Variants in DNAJC15 observed in about 807,000 individuals in gnomAD.
DNAJC15 encodes the protein DnaJ heat shock protein family (Hsp40) member C15, also known as dnaJ homolog subfamily C member 15.
DNAJC15 carries 27 observed loss-of-function variants against 22.4 expected under a neutral mutation model. The ratio of observed to expected loss-of-function variants is 1.20; its 90% CI spans 0.89 to 1.66. The LOEUF is 1.66. Among genes scored for constraint, DNAJC15 ranks in the 40% most tolerant of loss-of-function variants. DNAJC15 has a pLI of 0.00. For missense variants in DNAJC15, 208 were observed against 187.1 expected (o/e 1.11, Z -0.65); for synonymous variants, 79 against 63.2 (o/e 1.25, Z -1.19).
chr13:43,027,140 A>C (rs1281071786), intron 1 of DNAJC15, among the ~76,000 whole-genome samples: 1 of 152,254 alleles, frequency 6.6e-6, no homozygotes, highest in Non-Finnish European at 1.5e-5. Flanking sequence ...AGAGATTATT[A>C]TCAAATTTTA....
intron 3 of DNAJC15, among the ~76,000 whole-genome samples, chr13:43,076,640 A>C (rs1593323690): frequency 1.3e-5 from 2 of 152,314 alleles, no homozygotes; most frequent in East Asian, 3.9e-4. Context: ...GAAACGTTTA[A>C]TGCCTGTAAT....
chr13:43,091,272 G>C (rs1255144493), intron 5 of DNAJC15, among the ~76,000 whole-genome samples: 3 of 152,108 alleles, frequency 2.0e-5, no homozygotes, highest in African/African-American at 7.2e-5. Flanking sequence ...TTACTTAGTA[G>C]AGATGGTGTT....
chr13:43,051,420 C>T (rs537068644), intron 1 of DNAJC15, among the ~76,000 whole-genome samples: 31 of 152,262 alleles, frequency 2.0e-4, no homozygotes, highest in African/African-American at 6.3e-4. Flanking sequence ...ATCCCTCGCT[C>T]CCACCCATTA....
intron 5 of DNAJC15, among the ~76,000 whole-genome samples, chr13:43,106,519 A>G (rs1328821193): frequency 1.3e-5 from 2 of 152,110 alleles, no homozygotes; most frequent in Non-Finnish European, 1.5e-5. Flanking sequence ...TATTTTTTGC[A>G]CTGTAAATCC....
chr13:43,097,243 G>A (rs917993542), intron 5 of DNAJC15, among the ~76,000 whole-genome samples: 4 of 152,208 alleles, frequency 2.6e-5, no homozygotes, highest in African/African-American at 9.6e-5. Flanking sequence ...ACCTAAGGCA[G>A]TAAGTCATGC....
chr13:43,050,911 C>A (rs2040499845), intron 1 of DNAJC15, among the ~76,000 whole-genome samples: 1 of 152,046 alleles, frequency 6.6e-6, no homozygotes, highest in East Asian at 1.9e-4. Flanking sequence ...ATTTACTGAA[C>A]ATCCTTTTTT....
Position 43,112,852 on chromosome 13 carries a change from AT to A in DNAJC15, c.*5605del, listed in dbSNP as rs2040831171. ...TGGGAATCAGAATGAAGGGGCTTGT[AT>A]GACTTTTGGCTCATTTTTTGATGCA... On this transcript the variant is annotated 3_prime_UTR_variant, in exon 6 of 6. Coordinates refer to ENST00000379221, the MANE Select transcript of DNAJC15 (RefSeq NM_013238.3). 1 of 152,196 alleles carries A rather than the reference AT, an allele frequency of 6.6e-6. No individual in the cohort carries two copies. Among genetic ancestry groups the A allele is most frequent in the African/African-American group, 2.4e-5 (1 of 41,456 alleles). The allele number at this position is 152,196 out of a possible 1,614,324, so 9.4% of individuals were successfully genotyped here.
At chr13:43,023,760 CCT>C in intron 1 of DNAJC15, 26 bp downstream of exon 1, 1 of 1,576,208 alleles carries the variant, frequency 6.3e-7, no homozygotes, top group South Asian at 1.1e-5. Flanking sequence ...GGCCCCCACC[CCT>C]CTCTGGCTCC....
At chr13:43,085,894 T>A in intron 5 of DNAJC15, 56 bp downstream of exon 5, 1 of 1,488,966 alleles carries the variant, frequency 6.7e-7, no homozygotes, top group Non-Finnish European at 9.3e-7. Flanking sequence ...TGTGAATTCC[T>A]TTCAGATTAA....
In DNAJC15 at chr13:43,029,575, C is replaced by CT. The variant is rs573189109; in HGVS notation, c.108+5847dup. 8.9e-4 allele frequency among the ~76,000 whole-genome samples: 135 copies of CT among 151,146 alleles called. 1 individual carries two copies. The highest frequency in any genetic ancestry group is 3.4e-3 in the Middle Eastern group (1 of 294). The stretch of plus-strand genomic sequence containing the variant: ...GCTGTAGCAGCTATGATGGAGTGAT[C>CT]TTTTTTCCCAGTTTTCAGAAATTTT... On this transcript the variant is annotated intron_variant, in intron 1 of 5. Coordinates refer to ENST00000379221, the MANE Select transcript of DNAJC15 (RefSeq NM_013238.3).
At chr13:43,088,054 AT>A (rs2040697634) in intron 5 of DNAJC15, among the ~76,000 whole-genome samples, 2 of 152,210 alleles carry the variant, frequency 1.3e-5, no homozygotes, top group Non-Finnish European at 2.9e-5. Flanking sequence ...ACAGTAATGC[AT>A]AGTGAATATA....
At position 43,107,227 on chromosome 13, in the gene DNAJC15, A is replaced by G. The variant is rs1480308261; in HGVS notation, c.432A>G (p.Leu144=). ...AAATAAATGAAGCAAAAGACTTGCT[A>G]GAAACAACCACCAAACATTGATGCT... The part of the protein sequence containing the change: ...AAKINEAKDL[L]ETTTKH Residue 144 remains leucine (L), a synonymous_variant, in exon 6 of 6, where the codon CTA becomes CTG. Transcript: ENST00000379221. 5.6e-6 allele frequency: 9 copies of G among 1,594,594 alleles called. No individual in the cohort carries two copies. The highest frequency in any genetic ancestry group is 7.7e-6 in the Non-Finnish European group (9 of 1,172,020).
rs116064968 is a variant in DNAJC15 at position 43,073,637 on chromosome 13, T to C, written c.234+4634T>C. Among the ~76,000 whole-genome samples, 753 of 152,334 alleles carry C rather than the reference T, an allele frequency of 4.9e-3. 6 individuals are homozygous for C. Among genetic ancestry groups the C allele is most frequent in the African/African-American group, 0.016 (684 of 41,574 alleles). ...TTTTCCTGAAAAGGGTTTCTTTTTT[T>C]CTCTGATGTTTGAAGCTGCTGGGAT... is the stretch of plus-strand genomic sequence containing the variant. On this transcript the variant is annotated intron_variant, in intron 3 of 5. Transcript: ENST00000379221.
intron 1 of DNAJC15, among the ~76,000 whole-genome samples, chr13:43,052,636 G>A (rs186385483): frequency 1.0e-3 from 158 of 152,192 alleles, no homozygotes; most frequent in African/African-American, 3.5e-3. Context: ...GGCTGGTCTC[G>A]AACTCCCTGA....
At chr13:43,091,002 C>T (rs1024857210) in intron 5 of DNAJC15, among the ~76,000 whole-genome samples, 1 of 152,058 alleles carries the variant, frequency 6.6e-6, no homozygotes, top group Non-Finnish European at 1.5e-5. Flanking sequence ...TGTAAGAGTT[C>T]ACAAATGAAG....
rs768331848 is a variant in DNAJC15, at chr13:43,085,793, A to G, written c.337A>G (p.Arg113Gly). The part of the protein sequence containing the change: ...VSPSAGKAKI[R>G]TAHRRVMILN... The stretch of plus-strand genomic sequence containing the variant: ...CCCATCTGCTGGCAAGGCTAAGATT[A>G]GAACAGCTCATAGGAGAGTCATGAT... Residue 113 changes from arginine (R) to glycine (G), a missense_variant, in exon 5 of 6, where the codon AGA becomes GGA. Coordinates refer to ENST00000379221, the MANE Select transcript of DNAJC15 (RefSeq NM_013238.3). The G allele has an allele frequency of 2.5e-6, 4 of 1,613,486 alleles. No individual in the cohort carries two copies. Among genetic ancestry groups the G allele is most frequent in the Non-Finnish European group, 3.4e-6 (4 of 1,179,860 alleles).
chr13:43,085,919 T>C lies in DNAJC15; in HGVS notation c.382+81T>C, dbSNP rs532658813. On this transcript the variant is annotated intron_variant, in intron 5 of 5. Coordinates refer to ENST00000379221, the MANE Select transcript of DNAJC15 (RefSeq NM_013238.3). ...TTTCAGATTAAAGTCATATATGATA[T>C]ATAGTTGAGATGGAAGTTTGTGCGC... 122 of 1,277,614 alleles carry C rather than the reference T, an allele frequency of 9.5e-5. 2 individuals carry two copies. The South Asian group carries it at 1.5e-3, about 16-fold the overall frequency. The allele number at this position is 1,277,614 out of a possible 1,614,324, so 79.1% of individuals were successfully genotyped here. A position where few individuals can be genotyped will look rare whatever the true frequency, so the allele number is the denominator to read the frequency against.
chr13:43,042,620 A>G lies in DNAJC15; in HGVS notation c.108+18886A>G, dbSNP rs527658165. Among the ~76,000 whole-genome samples, 14 of 152,362 alleles carry G rather than the reference A, an allele frequency of 9.2e-5. No individual in the cohort carries two copies. In the South Asian group the frequency reaches 2.9e-3, roughly 32 times the overall value. ...GAGAAAAAATGTCATGGTGCCACAT[A>G]AGGTAGGGACCAGCTGTGGTGGTGT... On this transcript the variant is annotated intron_variant, in intron 1 of 5. Coordinates refer to ENST00000379221, the MANE Select transcript of DNAJC15 (RefSeq NM_013238.3).
intron 5 of DNAJC15, among the ~76,000 whole-genome samples, chr13:43,092,339 T>G (rs1465910789): frequency 2.0e-5 from 3 of 152,154 alleles, no homozygotes; most frequent in African/African-American, 7.2e-5. Context: ...TTTTTCCATC[T>G]TTTTATTTTC....
Sources: gnomAD v4.1 joint callset for allele counts (sites outside exome capture counted in the v4.1 genomes callset) on GRCh38, gnomAD v4.1.1 for gene constraint, MANE v1.5 for transcripts, NCBI Gene and HGNC (gene_info 2026-07-23, HGNC 2026-07-21) for gene names.